Variants in PALMD observed in about 807,000 individuals in gnomAD.
PALMD encodes paralemmin-like protein.
Under a neutral mutation model 56.2 loss-of-function variants are expected in PALMD, and 42 were observed. The observed-to-expected ratio is 0.75, with a 90% CI of 0.58 to 0.97. PALMD has a LOEUF of 0.97. PALMD is among the 50% of genes least tolerant of loss of function. PALMD has a pLI of 0.00. For synonymous variants in PALMD, 242 were observed against 222.9 expected (o/e 1.09, Z -0.76); for missense variants, 660 against 643.8 (o/e 1.03, Z -0.27).
chr1:99,689,048 C>T lies in PALMD; in HGVS notation c.788C>T (p.Ala263Val). ...ACAGAGTATCATGAGCCTGTATATG[C>T]CAATCCCTTTTACAGGCCTACAACC... ...SPTEYHEPVY[A>V]NPFYRPTTPQ... Residue 263 changes from alanine (A) to valine (V), a missense_variant, in exon 7 of 8, where the codon GCC (alanine) becomes GTC (valine). By Grantham distance (64) the Ala-to-Val change is moderately conservative (BLOSUM62 0). Coordinates refer to ENST00000263174, the MANE Select transcript of PALMD (RefSeq NM_017734.5). 6.2e-7 allele frequency: 1 copy of T among 1,613,444 alleles called. No individual in the cohort carries two copies. The highest frequency in any genetic ancestry group is 8.5e-7 in the Non-Finnish European group (1 of 1,179,608).
In PALMD at chr1:99,682,999, C is replaced by T. The variant is rs894956933; in HGVS notation, c.252-3677C>T. On this transcript the variant is annotated intron_variant, in intron 3 of 7. Coordinates refer to ENST00000263174, the MANE Select transcript of PALMD (RefSeq NM_017734.5). ...TCAGCCTGGGTGACAGAGCAAGACTCTGTCTCCAAAAAGAAAGAAGGAAAG... is the reference window on the plus strand; with the variant it reads ...TCAGCCTGGGTGACAGAGCAAGACTTTGTCTCCAAAAAGAAAGAAGGAAAG... Among the ~76,000 whole-genome samples, 51 of 140,102 alleles carry T rather than the reference C, an allele frequency of 3.6e-4. 2 individuals carry two copies. Among genetic ancestry groups the T allele is most frequent in the African/African-American group, 1.3e-3 (47 of 35,312 alleles). The allele number at this position is 140,102 out of a possible 152,430, so 91.9% of individuals were successfully genotyped here.
At chr1:99,663,458 C>T (rs1162986591) in intron 2 of PALMD, among the ~76,000 whole-genome samples, 1 of 152,074 alleles carries the variant, frequency 6.6e-6, no homozygotes, top group African/African-American at 2.4e-5. Flanking sequence ...CCAAGTTGTT[C>T]CAGTGCAATT....
intron 2 of PALMD, among the ~76,000 whole-genome samples, chr1:99,665,301 T>C (rs1323859300): frequency 6.6e-6 from 1 of 152,160 alleles, no homozygotes; most frequent in Non-Finnish European, 1.5e-5. Flanking sequence ...AATTCTGAAT[T>C]TCATTGTAAA....
intron 1 of PALMD, among the ~76,000 whole-genome samples, chr1:99,652,628 A>G (rs1471098159): frequency 6.6e-6 from 1 of 150,838 alleles, no homozygotes. Context: ...GACAGAAAAG[A>G]GAAAAGGAAA....
rs762211137 is a variant in PALMD, at chr1:99,689,479, A to C, written c.1219A>C (p.Ile407Leu). 85 of 1,613,784 alleles carry C rather than the reference A, an allele frequency of 5.3e-5. No individual in the cohort carries two copies. In the Admixed American group the frequency reaches 1.3e-3, roughly 25 times the overall value. Residue 407 changes from isoleucine to leucine, a missense_variant, in exon 7 of 8, where the codon ATA becomes CTA. Physicochemically the swap from Ile to Leu is conservative, Grantham distance 5 (BLOSUM62 2). Transcript: ENST00000263174. ...YNIVHSLPPD[I>L]NDTEPVTMIF... ...TATCGTTCATTCCCTGCCTCCAGAC[A>C]TAAATGATACAGAACCGGTGACAAT...
chr1:99,653,250 T>C (rs1392675978), intron 1 of PALMD, among the ~76,000 whole-genome samples: 1 of 152,198 alleles, frequency 6.6e-6, no homozygotes, highest in Non-Finnish European at 1.5e-5. Flanking sequence ...TGAAAGCTAC[T>C]GATTGGCTGG....
At chr1:99,687,222 C>A in intron 6 of PALMD, 33 bp downstream of exon 6, 1 of 1,565,912 alleles carries the variant, frequency 6.4e-7, no homozygotes, top group Non-Finnish European at 8.6e-7. Flanking sequence ...AGGGCATGTT[C>A]TTAATTTCAG....
At chr1:99,647,665 C>T (rs1046832694) in intron 1 of PALMD, among the ~76,000 whole-genome samples, 4 of 152,258 alleles carry the variant, frequency 2.6e-5, no homozygotes, top group South Asian at 2.1e-4. Flanking sequence ...CTCGGCTCTG[C>T]TCTGTTGTTT....
intron 3 of PALMD, among the ~76,000 whole-genome samples, chr1:99,682,188 T>C (rs1653360874): frequency 6.6e-6 from 1 of 152,238 alleles, no homozygotes; most frequent in Non-Finnish European, 1.5e-5. Flanking sequence ...ATTTGAAGTA[T>C]CAAATCAACA....
intron 1 of PALMD, among the ~76,000 whole-genome samples, chr1:99,658,384 C>T (rs1652773286): frequency 6.6e-6 from 1 of 151,860 alleles, no homozygotes; most frequent in African/African-American, 2.4e-5. Context: ...ACACAAATGA[C>T]TTTCTTTAGC....
chr1:99,657,561 C>T (rs750268979), intron 1 of PALMD, among the ~76,000 whole-genome samples: 1 of 152,184 alleles, frequency 6.6e-6, no homozygotes. Flanking sequence ...ATAGCTATTA[C>T]ACAATGAGGC....
intron 1 of PALMD, among the ~76,000 whole-genome samples, chr1:99,650,618 A>C (rs1184764967): frequency 6.6e-6 from 1 of 152,200 alleles, no homozygotes; most frequent in Non-Finnish European, 1.5e-5. Flanking sequence ...GTGACCCAAA[A>C]GCAAGACCTG....
At chr1:99,650,095 T>A (rs1652531816) in intron 1 of PALMD, among the ~76,000 whole-genome samples, 1 of 151,692 alleles carries the variant, frequency 6.6e-6, no homozygotes, top group Non-Finnish European at 1.5e-5. Flanking sequence ...CAGGATGGGG[T>A]TCACAAAGAG....
At chr1:99,674,441 T>A (rs979677249) in intron 3 of PALMD, among the ~76,000 whole-genome samples, 1 of 152,142 alleles carries the variant, frequency 6.6e-6, no homozygotes, top group African/African-American at 2.4e-5. Context: ...AAGCTATAAA[T>A]CTGGCAACAG....
Position 99,658,273 on chromosome 1 carries a change from C to A in PALMD, c.46-4046C>A, listed in dbSNP as rs565095163. ...GAGTTAAGATTGTGCCACTACACTCCAGCCTAGATGATGGTGCAAGACTCT... is the reference window on the plus strand; with the variant it reads ...GAGTTAAGATTGTGCCACTACACTCAAGCCTAGATGATGGTGCAAGACTCT... On this transcript the variant is annotated intron_variant, in intron 1 of 7. Coordinates refer to ENST00000263174, the MANE Select transcript of PALMD (RefSeq NM_017734.5). 4.1e-5 allele frequency among the ~76,000 whole-genome samples: 6 copies of A among 147,762 alleles called. No homozygotes were observed. In the South Asian group the frequency reaches 1.3e-3, roughly 32 times the overall value.
At position 99,688,760 on chromosome 1, in the gene PALMD, T is replaced by C; in HGVS notation, c.515-15T>C. ...AAAGTTAACTAAATCAAAGATCAAA[T>C]TTGTTTCTTAACAGCTTTATATGCC... is the stretch of plus-strand genomic sequence containing the variant. On this transcript the variant is annotated splice_polypyrimidine_tract_variant and intron_variant, in intron 6 of 7. Transcript: ENST00000263174. 6.5e-7 allele frequency: 1 copy of C among 1,532,970 alleles called. No individual in the cohort carries two copies. The highest frequency in any genetic ancestry group is 2.1e-5 in the Admixed American group (1 of 48,026). The allele number at this position is 1,532,970 out of a possible 1,614,324, so 95.0% of individuals were successfully genotyped here.
chr1:99,690,907 C>A (rs1396728494), intron 7 of PALMD, among the ~76,000 whole-genome samples: 1 of 152,082 alleles, frequency 6.6e-6, no homozygotes, highest in African/African-American at 2.4e-5. Flanking sequence ...CTACACAATT[C>A]AATAATGTTT....
intron 3 of PALMD, among the ~76,000 whole-genome samples, chr1:99,681,331 T>C (rs1308215924): frequency 1.3e-5 from 2 of 152,150 alleles, no homozygotes; most frequent in Admixed American, 6.6e-5. Context: ...TCCTATATAT[T>C]TTCCCAATAC....
At chr1:99,662,458 T>C (rs1287628053) in intron 2 of PALMD, 59 bp downstream of exon 2, 2 of 984,558 alleles carry the variant, frequency 2.0e-6, no homozygotes, top group African/African-American at 1.6e-5. Context: ...CTATTGGTAC[T>C]CAAATTTCAA....
Sources: gnomAD v4.1 joint callset for allele counts (sites outside exome capture counted in the v4.1 genomes callset) on GRCh38, gnomAD v4.1.1 for gene constraint, MANE v1.5 for transcripts, NCBI Gene and HGNC (gene_info 2026-07-23, HGNC 2026-07-21) for gene names.